Variants in XKR4 observed in about 807,000 individuals in gnomAD.
The protein encoded by XKR4 is XK-related protein 4.
A neutral mutation model predicts 53.9 loss-of-function variants in XKR4; 12 were observed. That is an observed-to-expected ratio of 0.22 (90% CI 0.14 to 0.36). The LOEUF is 0.36. Ranked by LOEUF, XKR4 falls within the 10% of genes least tolerant of loss-of-function variation. The probability of loss-of-function intolerance (pLI) is 1.00; values close to 1 mark genes in which losing one functional copy is unlikely to be tolerated. For missense variants in XKR4, 799 were observed against 859.5 expected, an observed-to-expected ratio of 0.93 and a Z score of 0.88; for synonymous variants, 354 against 362.4, an observed-to-expected ratio of 0.98 and a Z score of 0.26.
intron 1 of XKR4, among the ~76,000 whole-genome samples, chr8:55,115,827 A>G (rs1421217050): frequency 6.6e-6 from 1 of 152,152 alleles, no homozygotes; most frequent in African/African-American, 2.4e-5. Context: ...TGCAGAACCA[A>G]TCTCTAAGAA....
intron 2 of XKR4, among the ~76,000 whole-genome samples, chr8:55,499,376 G>T (rs1806403353): frequency 6.6e-6 from 1 of 152,126 alleles, no homozygotes; most frequent in Non-Finnish European, 1.5e-5. Context: ...CCCACTGTTT[G>T]AAAATCATTT....
intron 1 of XKR4, among the ~76,000 whole-genome samples, chr8:55,232,262 A>T (rs980668446): frequency 1.3e-5 from 2 of 152,172 alleles, no homozygotes; most frequent in Non-Finnish European, 2.9e-5. Flanking sequence ...GACATTAGTG[A>T]TGCTTGACCA....
At chr8:55,365,266 G>A (rs1011505726) in intron 2 of XKR4, among the ~76,000 whole-genome samples, 2 of 152,230 alleles carry the variant, frequency 1.3e-5, no homozygotes, top group African/African-American at 4.8e-5. Context: ...GTTCACTAGG[G>A]TGGCACGCAC....
chr8:55,370,453 G>A (rs151149319), intron 2 of XKR4, among the ~76,000 whole-genome samples: 8 of 152,184 alleles, frequency 5.3e-5, no homozygotes, highest in African/African-American at 1.7e-4. Context: ...CTATTAAGTA[G>A]CAGTAGTTCA....
At chr8:55,292,719 G>A (rs1819048032) in intron 1 of XKR4, among the ~76,000 whole-genome samples, 1 of 151,934 alleles carries the variant, frequency 6.6e-6, no homozygotes. Context: ...CTAGAGGTAG[G>A]GGCATGAATT....
chr8:55,180,709 T>C (rs1817298910), intron 1 of XKR4, among the ~76,000 whole-genome samples: 1 of 152,100 alleles, frequency 6.6e-6, no homozygotes, highest in Admixed American at 6.5e-5. Flanking sequence ...TTTTTTGTAT[T>C]TTTAGTAGAG....
chr8:55,403,812 G>A (rs1804644906), intron 2 of XKR4, among the ~76,000 whole-genome samples: 1 of 151,968 alleles, frequency 6.6e-6, no homozygotes, highest in African/African-American at 2.4e-5. Flanking sequence ...CAAACATTTT[G>A]TAAGTAACTT....
intron 1 of XKR4, among the ~76,000 whole-genome samples, chr8:55,337,952 C>T (rs1380800454): frequency 1.3e-5 from 2 of 152,182 alleles, no homozygotes; most frequent in African/African-American, 4.8e-5. Context: ...GAAGGGTCTT[C>T]CTTTTGCTAT....
At chr8:55,319,809 G>A (rs1231236935) in intron 1 of XKR4, among the ~76,000 whole-genome samples, 1 of 152,208 alleles carries the variant, frequency 6.6e-6, no homozygotes, top group African/African-American at 2.4e-5. Flanking sequence ...GTTACTTGGT[G>A]AGATGAAATA....
intron 1 of XKR4, among the ~76,000 whole-genome samples, chr8:55,145,908 A>G (rs1427188409): frequency 1.3e-5 from 2 of 152,236 alleles, no homozygotes; most frequent in Non-Finnish European, 2.9e-5. Flanking sequence ...AAACAGATCT[A>G]TCTGTGAAGT....
chr8:55,226,680 C>T (rs1249616978), intron 1 of XKR4, among the ~76,000 whole-genome samples: 1 of 152,154 alleles, frequency 6.6e-6, no homozygotes, highest in Non-Finnish European at 1.5e-5. Context: ...TACCTTTCCT[C>T]CTCATCCCCA....
chr8:55,234,201 T>A (rs1818088089), intron 1 of XKR4, among the ~76,000 whole-genome samples: 1 of 152,196 alleles, frequency 6.6e-6, no homozygotes, highest in East Asian at 1.9e-4. Flanking sequence ...TGCTCAGACC[T>A]GAAAATACTG....
rs1468784237 is a variant in XKR4 at position 55,529,301 on chromosome 8, G to A, written c.*5074G>A. ...AATGTAAAGCTTTTGTCAACCTTGA[G>A]GCCTATATTCTGCTAAACAAGAGAT... On this transcript the variant is annotated 3_prime_UTR_variant, in exon 3 of 3. Coordinates refer to ENST00000327381, the MANE Select transcript of XKR4 (RefSeq NM_052898.2). The A allele has an allele frequency of 1.3e-5, 2 of 151,874 alleles. No individual in the cohort carries two copies. The highest frequency in any genetic ancestry group is 2.9e-5 in the Non-Finnish European group (2 of 67,986). The allele number at this position is 151,874 out of a possible 1,614,324, so 9.4% of individuals were successfully genotyped here.
In XKR4 at chr8:55,102,633, G is replaced by C; in HGVS notation, c.145G>C (p.Ala49Pro). The change falls in exon 1 of 3, where the codon GCG becomes CCG. Residue 49 changes from alanine (A) to proline (P), a missense_variant. Physicochemically the swap from Ala to Pro is conservative, Grantham distance 27. This residue lies in a region of XKR4 where 476 missense variants were observed against 505.4 expected (regional missense o/e 0.94). Coordinates refer to ENST00000327381, the MANE Select transcript of XKR4 (RefSeq NM_052898.2). This position sits in a 1 kb window ranked among gnomAD's most constrained non-coding sequence, Gnocchi z 5.1. ...PSGSGAEDEE[A>P]AGGGCCPDGG... is the part of the protein sequence containing the mutation. ...GGGGTCGGGAGCCGAGGACGAGGAG[G>C]CGGCCGGGGGCGGCTGCTGCCCGGA... 1.5e-6 allele frequency: 2 copies of C among 1,367,454 alleles called. No homozygotes were observed. Among genetic ancestry groups the C allele is most frequent in the Non-Finnish European group, 1.9e-6 (2 of 1,046,432 alleles). 84.7% of individuals were successfully genotyped at this position (1,367,454 alleles called of 1,614,324 possible).
At chr8:55,299,898 T>C (rs564885425) in intron 1 of XKR4, among the ~76,000 whole-genome samples, 6 of 151,978 alleles carry the variant, frequency 3.9e-5, no homozygotes, top group Non-Finnish European at 8.8e-5. Context: ...AGGAGGGAGA[T>C]TTGTACCGGA....
intron 2 of XKR4, among the ~76,000 whole-genome samples, chr8:55,395,485 C>G (rs538837409): frequency 6.6e-6 from 1 of 152,052 alleles, no homozygotes; most frequent in Admixed American, 6.5e-5. Context: ...TGCAGTCAAA[C>G]AGAAGGCTGG....
intron 2 of XKR4, among the ~76,000 whole-genome samples, chr8:55,438,158 A>AT (rs1047641163): frequency 1.3e-5 from 2 of 152,058 alleles, no homozygotes; most frequent in Non-Finnish European, 2.9e-5. Flanking sequence ...CAAAAAAAAA[A>AT]GTTAACTAAG....
intron 1 of XKR4, among the ~76,000 whole-genome samples, chr8:55,156,894 G>A (rs757246777): frequency 7.9e-5 from 12 of 152,158 alleles, no homozygotes; most frequent in Non-Finnish European, 1.8e-4. Flanking sequence ...AAGTCTCTGA[G>A]AAAATTGTTA....
At chr8:55,425,473 A>T (rs566909229) in intron 2 of XKR4, among the ~76,000 whole-genome samples, 1 of 152,278 alleles carries the variant, frequency 6.6e-6, no homozygotes, top group Admixed American at 6.5e-5. Context: ...TTAGATTGAG[A>T]TCTCCAGCCT....
Sources: allele counts gnomAD v4.1 joint callset (sites outside exome capture counted in the v4.1 genomes callset), GRCh38; gene constraint gnomAD v4.1.1; regional missense constraint gnomAD v4.1.1; non-coding constraint Gnocchi (gnomAD v3.1); transcripts MANE v1.5; gene names NCBI Gene and HGNC (gene_info 2026-07-23, HGNC 2026-07-21).